Variants in LSP1 observed in about 807,000 individuals in gnomAD.
LSP1 encodes lymphocyte-specific protein 1.
LSP1 carries 32 observed loss-of-function variants against 49.3 expected under a neutral mutation model. The ratio of observed to expected loss-of-function variants is 0.65; its 90% CI spans 0.49 to 0.87. The LOEUF (loss-of-function observed/expected upper bound fraction) is 0.87, where lower values mean the gene tolerates loss of function less well. Ranked by LOEUF, LSP1 falls within the 40% of genes least tolerant of loss-of-function variation. LSP1 has a pLI of 0.00. For missense variants in LSP1, 428 were observed against 442.6 expected (o/e 0.97, Z 0.30); for synonymous variants, 179 against 178.8 (o/e 1.00, Z -0.01).
intron 1 of LSP1, 160 bp from the exon 2 acceptor site, chr11:1,879,927 A>T (rs1848466230): frequency 1.3e-6 from 1 of 762,154 alleles, no homozygotes; most frequent in Non-Finnish European, 2.0e-6. Flanking sequence ...CTATTTAAAG[A>T]TGGACAAGGT....
At chr11:1,871,412 G>T (rs1025759657) in intron 1 of LSP1, 3 of 986,230 alleles carry the variant, frequency 3.0e-6, no homozygotes, top group East Asian at 2.2e-4. Context: ...CATCAAAAGA[G>T]GTAGGGCACC....
intron 1 of LSP1, among the ~76,000 whole-genome samples, chr11:1,856,770 C>A (rs751126489): frequency 1.7e-4 from 26 of 152,256 alleles, no homozygotes; most frequent in Non-Finnish European, 3.4e-4. Context: ...TTGGGCAGCC[C>A]TCCCGCCCAC....
chr11:1,860,292 G>C (rs1374605217), intron 1 of LSP1, among the ~76,000 whole-genome samples: 1 of 38,652 alleles, frequency 2.6e-5, no homozygotes, highest in Admixed American at 3.1e-4. Flanking sequence ...ATGGATAATT[G>C]AATGATGGAT....
chr11:1,864,373 C>T (rs544096761), intron 1 of LSP1: 28 of 401,324 alleles, frequency 7.0e-5, no homozygotes, highest in African/African-American at 5.9e-4. Flanking sequence ...GAATAGGCCC[C>T]TGTGCCTGGG....
In LSP1 at chr11:1,879,650, G is replaced by A. The variant is rs148315236; in HGVS notation, c.54-437G>A. Among the ~76,000 whole-genome samples, 32 of 152,330 alleles carry A rather than the reference G, an allele frequency of 2.1e-4. No individual in the cohort carries two copies. The East Asian group carries it at 6.2e-3, about 29-fold the overall frequency. ...GGGTGGAGGTGCCGCCTGGCGGTGGGCTGCGGCCAGTCTCCCTGGACTCCA... is the reference window on the plus strand; with the variant it reads ...GGGTGGAGGTGCCGCCTGGCGGTGGACTGCGGCCAGTCTCCCTGGACTCCA... On this transcript the variant is annotated intron_variant, in intron 1 of 10. Coordinates refer to ENST00000311604, the MANE Select transcript of LSP1 (RefSeq NM_002339.3).
chr11:1,861,706 GAT>G (rs1847635544), intron 1 of LSP1, among the ~76,000 whole-genome samples: 2 of 150,060 alleles, frequency 1.3e-5, no homozygotes, highest in African/African-American at 2.5e-5. Context: ...TGGATGGATG[GAT>G]GGATGGATGG....
At chr11:1,865,218 T>C (rs1322307234) in intron 1 of LSP1, 1 of 985,402 alleles carries the variant, frequency 1.0e-6, no homozygotes, top group Non-Finnish European at 1.2e-6. Context: ...AGTCCCGGGC[T>C]TCTGAGGAGG....
intron 1 of LSP1, chr11:1,869,132 C>T (rs1847889572): frequency 5.6e-6 from 3 of 533,038 alleles, no homozygotes; most frequent in Non-Finnish European, 7.3e-6. Flanking sequence ...TGGCCCCTGC[C>T]CCAGGCTCCA....
At chr11:1,874,396 G>T (rs1392683284) in intron 1 of LSP1, among the ~76,000 whole-genome samples, 2 of 152,016 alleles carry the variant, frequency 1.3e-5, no homozygotes, top group African/African-American at 2.4e-5. Context: ...ACCCCTTCCC[G>T]GGAGCGAGAC....
At chr11:1,873,895 CCCGGCAGAGGAGGGAGG>C (rs1848163160) in intron 1 of LSP1, among the ~76,000 whole-genome samples, 3 of 35,618 alleles carry the variant, frequency 8.4e-5, no homozygotes, top group Admixed American at 2.8e-4. Context: ...GAGCAGGGAG[CCCGGCAGAGGAGGGAGG>C]CCGGCGGAGG....
At chr11:1,879,135 G>A (rs1469825272) in intron 1 of LSP1, among the ~76,000 whole-genome samples, 32 of 152,054 alleles carry the variant, frequency 2.1e-4, no homozygotes, top group Non-Finnish European at 3.7e-4. Flanking sequence ...ACCTGAGGTC[G>A]GGAGTTCAGG....
chr11:1,881,628 C>T (rs955006693), intron 3 of LSP1, 32 bp downstream of exon 3: 1 of 1,440,860 alleles, frequency 6.9e-7, no homozygotes, highest in Non-Finnish European at 9.1e-7. Context: ...GGGCGCTGGG[C>T]AGAGCAGGGC....
chr11:1,883,555 G>C lies in LSP1; in HGVS notation c.493G>C (p.Glu165Gln), dbSNP rs765067269. The change falls in exon 4 of 11, where the codon GAG becomes CAG. Residue 165 changes from glutamate (E) to glutamine (Q), a missense_variant. Transcript: ENST00000311604. ...LGAAGAEEEQ[E>Q]EHQKCQQPRT... is the part of the protein sequence containing the mutation. ...GGCCGCAGGGGCTGAGGAGGAACAG[G>C]AGGAGGTGATGGCTCCACCTCAGAG... The C allele has an allele frequency of 8.7e-6, 14 of 1,610,324 alleles. No individual in the cohort carries two copies. The highest frequency in any genetic ancestry group is 1.3e-5 in the African/African-American group (1 of 74,862).
chr11:1,875,334 G>A (rs1370969475), intron 1 of LSP1, among the ~76,000 whole-genome samples: 1 of 152,206 alleles, frequency 6.6e-6, no homozygotes, highest in Non-Finnish European at 1.5e-5. Context: ...GGCCCAGAAG[G>A]ACCTGGGTGT....
At chr11:1,867,175 A>T (rs1216181466) in intron 1 of LSP1, among the ~76,000 whole-genome samples, 1 of 151,966 alleles carries the variant, frequency 6.6e-6, no homozygotes, top group African/African-American at 2.4e-5. Flanking sequence ...GTCCCTTTGA[A>T]CTCCCTTGGA....
chr11:1,890,117 C>T (rs760868187), intron 10 of LSP1: 9 of 716,876 alleles, frequency 1.3e-5, no homozygotes, highest in East Asian at 2.7e-5. Context: ...GTTCTGGGGC[C>T]GAGGCTACAA....
At chr11:1,876,714 A>T in intron 1 of LSP1, 42 of 819,162 alleles carry the variant, frequency 5.1e-5, no homozygotes, top group Non-Finnish European at 6.0e-5. Flanking sequence ...GGGAGGTAGA[A>T]GTGGGGGTGG....
chr11:1,869,173 C>A (rs567199852), intron 1 of LSP1: 15 of 241,600 alleles, frequency 6.2e-5, no homozygotes, highest in Admixed American at 2.2e-4. Context: ...GCTTGAGGGT[C>A]GGCTGCTACC....
Position 1,878,365 on chromosome 11 carries a change from C to T in LSP1, c.54-1722C>T, listed in dbSNP as rs1175041666. Among the ~76,000 whole-genome samples the T allele has an allele frequency of 3.9e-5, 6 of 152,364 alleles. No individual in the cohort carries two copies. The East Asian group carries it at 1.2e-3, about 29-fold the overall frequency. ...TGCGGAGGCCGGCAGAAGCGGGAAG[C>T]TGGGCCTCATCTGCCCGGATGATGG... On this transcript the variant is annotated intron_variant, in intron 1 of 10. Transcript: ENST00000311604.
Sources: allele counts gnomAD v4.1 joint callset (sites outside exome capture counted in the v4.1 genomes callset), GRCh38; gene constraint gnomAD v4.1.1; transcripts MANE v1.5; gene names NCBI Gene and HGNC (gene_info 2026-07-23, HGNC 2026-07-21).